The following DCAF6 variants were observed in gnomAD, a reference collection of about 807,000 sequenced individuals.
The protein encoded by DCAF6 is DDB1 and CUL4 associated factor 6.
Under a neutral mutation model 125.1 loss-of-function variants are expected in DCAF6, and 54 were observed. The ratio of observed to expected loss-of-function variants is 0.43; its 90% confidence interval spans 0.35 to 0.54. The LOEUF (loss-of-function observed/expected upper bound fraction) is 0.54, where lower values mean the gene tolerates loss of function less well. Among genes scored for constraint, DCAF6 ranks in the 20% least tolerant of loss-of-function variants. The pLI is 0.01. For missense variants in DCAF6, 934 were observed against 1,161.7 expected, an observed-to-expected ratio of 0.80 and a Z score of 2.85; for synonymous variants, 371 against 390.4, an observed-to-expected ratio of 0.95 and a Z score of 0.58.
intron 10 of DCAF6, among the ~76,000 whole-genome samples, chr1:168,007,559 T>C (rs12728880): frequency 0.23 from 34,598 of 152,098 alleles, 4,400 homozygotes; most frequent in Non-Finnish European, 0.29. Flanking sequence ...TAAAGGATAT[T>C]TCTCTGTTAG....
the DCAF6 span, chr1:167,920,703 A>G: frequency 6.9e-7 from 1 of 1,443,134 alleles, no homozygotes; most frequent in Non-Finnish European, 9.4e-7. Flanking sequence ...TAAATCAAGC[A>G]CAAGACATTT....
the DCAF6 span, among the ~76,000 whole-genome samples, chr1:167,929,044 A>G: frequency 6.6e-6 from 1 of 152,214 alleles, no homozygotes; most frequent in Admixed American, 6.5e-5. Context: ...ATTTAGAAAC[A>G]TTAAACAAGT....
Position 168,043,009 on chromosome 1 carries a change from C to T in DCAF6, c.1728-16C>T. ...TTAACTTCTTGGTGGAATCACTTAT[C>T]TTGTTTTGATGATAGGAGCAGTATA... On this transcript the variant is annotated splice_polypyrimidine_tract_variant and intron_variant, in intron 13 of 21. Transcript: ENST00000367840. The T allele has an allele frequency of 1.3e-6, 2 of 1,558,308 alleles. No individual in the cohort carries two copies. Among genetic ancestry groups the T allele is most frequent in the Admixed American group, 1.7e-5 (1 of 59,116 alleles).
intron 12 of DCAF6, among the ~76,000 whole-genome samples, chr1:168,028,798 A>G (rs1464465783): frequency 6.6e-6 from 1 of 152,200 alleles, no homozygotes; most frequent in Non-Finnish European, 1.5e-5. Flanking sequence ...ACTATTATCT[A>G]ATATTATTTT....
At chr1:167,942,099 CTT>C (rs1672334110) in intron 1 of DCAF6, among the ~76,000 whole-genome samples, 1 of 152,150 alleles carries the variant, frequency 6.6e-6, no homozygotes, top group South Asian at 2.1e-4. Flanking sequence ...GAGTTTCGCT[CTT>C]GTCGCCCAGG....
intron 10 of DCAF6, among the ~76,000 whole-genome samples, chr1:168,005,576 A>G (rs568552633): frequency 6.6e-6 from 1 of 152,280 alleles, no homozygotes; most frequent in South Asian, 2.1e-4. Context: ...TCTTCTAAGG[A>G]AGAATTTTAC....
intron 4 of DCAF6, among the ~76,000 whole-genome samples, chr1:167,983,708 T>C (rs1026912622): frequency 6.6e-6 from 1 of 152,360 alleles, no homozygotes; most frequent in South Asian, 2.1e-4. Context: ...TTTCAAATTC[T>C]ACTATTAATG....
chr1:168,055,331 GTTTTT>G (rs554861802), intron 17 of DCAF6, among the ~76,000 whole-genome samples: 5 of 31,626 alleles, frequency 1.6e-4, no homozygotes, highest in Non-Finnish European at 2.1e-4. Context: ...TCAGGCTTAA[GTTTTT>G]TTTTTTTTTT....
chr1:167,866,727 C>T, the DCAF6 span, among the ~76,000 whole-genome samples: 8,120 of 142,174 alleles, frequency 0.057, 678 homozygotes, highest in African/African-American at 0.2. Context: ...CAGTCTAGTC[C>T]ACAGATATAA....
At chr1:167,908,589 T>G in the DCAF6 span, among the ~76,000 whole-genome samples, 1 of 152,232 alleles carries the variant, frequency 6.6e-6, no homozygotes, top group South Asian at 2.1e-4. Context: ...TGTGAGATGA[T>G]ACGTTAATTA....
Position 168,008,265 on chromosome 1 carries a change from G to A in DCAF6, c.1378+3472G>A, listed in dbSNP as rs555625642. On this transcript the variant is annotated intron_variant, in intron 10 of 21. Transcript: ENST00000367840. ...ATTACAGGCATGAGCCACTGCACCCGGCCTATTGTTGTACGTCATAAATCT... is the reference window on the plus strand; with the variant it reads ...ATTACAGGCATGAGCCACTGCACCCAGCCTATTGTTGTACGTCATAAATCT... Among the ~76,000 whole-genome samples the A allele has an allele frequency of 7.2e-5, 11 of 152,126 alleles. No individual in the cohort carries two copies. The East Asian group carries it at 2.1e-3, about 29-fold the overall frequency.
rs563729502 is a variant in DCAF6 at position 168,002,596 on chromosome 1, T to C, written c.997+21T>C. 2.1e-5 allele frequency: 34 copies of C among 1,586,850 alleles called. No homozygotes were observed. The East Asian group carries it at 4.0e-4, about 19-fold the overall frequency. ...AGATGGTAACTATACTTTGGTCAGC[T>C]TTTCTTTGTATATGGTATTTTAAAA... On this transcript the variant is annotated intron_variant, in intron 8 of 21. Coordinates refer to ENST00000367840, the MANE Select transcript of DCAF6 (RefSeq NM_001198956.2).
intron 5 of DCAF6, among the ~76,000 whole-genome samples, chr1:167,989,075 A>G (rs1209095057): frequency 6.6e-6 from 1 of 151,102 alleles, no homozygotes; most frequent in Admixed American, 6.6e-5. Flanking sequence ...GCGAGACTCC[A>G]TCTCAAACAA....
At chr1:167,904,887 A>G in the DCAF6 span, 2 of 1,484,488 alleles carry the variant, frequency 1.3e-6, no homozygotes, top group Non-Finnish European at 1.9e-6. Context: ...GTGACAGCCC[A>G]AGGGCTCCAG....
chr1:167,882,959 C>G, the DCAF6 span, among the ~76,000 whole-genome samples: 1 of 152,232 alleles, frequency 6.6e-6, no homozygotes, highest in Non-Finnish European at 1.5e-5. Context: ...GTCCTGAGAA[C>G]AGTGCCTGGC....
chr1:168,031,467 C>G (rs998038730), intron 12 of DCAF6, among the ~76,000 whole-genome samples: 9 of 152,090 alleles, frequency 5.9e-5, no homozygotes, highest in Non-Finnish European at 1.2e-4. Context: ...AGAACACTTT[C>G]ACTAGAGTGA....
rs752448825 is a variant in DCAF6 at position 168,037,103 on chromosome 1, C to CTTT, written c.1610-1268_1610-1267insTTT. Reference sequence around the variant, plus strand: ...AGAGGTTCTATGAGATTCTCCCCCCCCTTTTTTTTTTTTTTTTTGAGATGA... The same window carrying CTTT: ...AGAGGTTCTATGAGATTCTCCCCCCCTTTCTTTTTTTTTTTTTTTTTGAGATGA... On this transcript the variant is annotated intron_variant, in intron 12 of 21. Coordinates refer to ENST00000367840, the MANE Select transcript of DCAF6 (RefSeq NM_001198956.2). Among the ~76,000 whole-genome samples, 7 of 148,272 alleles carry CTTT rather than the reference C, an allele frequency of 4.7e-5. 1 individual carries two copies. The highest frequency in any genetic ancestry group is 2.0e-4 in the Admixed American group (3 of 14,916).
chr1:167,966,572 TG>T, intron 2 of DCAF6, 56 bp from the exon 3 acceptor site: 1 of 1,106,792 alleles, frequency 9.0e-7, no homozygotes, highest in East Asian at 2.4e-5. Flanking sequence ...GAGTGAAAGA[TG>T]GCATATTTTC....
the DCAF6 span, chr1:167,896,570 G>T: frequency 1.3e-6 from 2 of 1,562,094 alleles, no homozygotes; most frequent in Non-Finnish European, 1.8e-6. Context: ...AGAGGCAAAG[G>T]CATTTTTCCA....
Sources: gnomAD v4.1 joint callset for allele counts (sites outside exome capture counted in the v4.1 genomes callset) on GRCh38, gnomAD v4.1.1 for gene constraint, MANE v1.5 for transcripts, NCBI Gene and HGNC (gene_info 2026-07-23, HGNC 2026-07-21) for gene names.